C11orf54: variants seen among roughly 807,000 people sequenced by gnomAD.
C11orf54 encodes the protein beta-keto-L-gulonate decarboxylase, also known as beta-keto L-gulonate decarboxylase.
C11orf54 carries 29 observed loss-of-function variants against 35.5 expected under a neutral mutation model. That is an observed-to-expected ratio of 0.82 (90% CI 0.61 to 1.11). The LOEUF (loss-of-function observed/expected upper bound fraction) is 1.11, where lower values mean the gene tolerates loss of function less well. C11orf54 is among the 50% of genes most tolerant of loss of function. The pLI is 0.00. For synonymous variants in C11orf54, 108 were observed against 121.1 expected, an observed-to-expected ratio of 0.89 and a Z score of 0.71; for missense variants, 373 against 369.2, an observed-to-expected ratio of 1.01 and a Z score of -0.08.
chr11:93,758,627 G>C (rs1167597433), intron 7 of C11orf54, among the ~76,000 whole-genome samples: 1 of 152,256 alleles, frequency 6.6e-6, no homozygotes, highest in African/African-American at 2.4e-5. Context: ...TCGCAGCCCA[G>C]CCAGGTGTGC....
intron 7 of C11orf54, among the ~76,000 whole-genome samples, chr11:93,757,755 C>T (rs1943230686): frequency 6.6e-6 from 1 of 152,160 alleles, no homozygotes; most frequent in Admixed American, 6.5e-5. Context: ...TGTCGAACTC[C>T]TGACCTCAGC....
chr11:93,743,148 C>A (rs1464783301), intron 1 of C11orf54, among the ~76,000 whole-genome samples: 1 of 151,990 alleles, frequency 6.6e-6, no homozygotes, highest in Admixed American at 6.5e-5. Flanking sequence ...CTACACGCGC[C>A]CGCCACCACA....
intron 5 of C11orf54, among the ~76,000 whole-genome samples, chr11:93,754,463 T>C (rs1244660824): frequency 6.6e-6 from 1 of 152,208 alleles, no homozygotes; most frequent in Non-Finnish European, 1.5e-5. Context: ...AATAGTATGA[T>C]GGTTATTTAT....
In C11orf54 at chr11:93,753,767, T is replaced by C; in HGVS notation, c.228+12T>C. ...TAAACCAAAAAAAAGTAAGTACTTT[T>C]ACTCTGCATATTCACATGAAGATTG... is the stretch of plus-strand genomic sequence containing the variant. On this transcript the variant is annotated intron_variant, in intron 4 of 8. Coordinates refer to ENST00000354421, the MANE Select transcript of C11orf54 (RefSeq NM_001286069.2). The C allele has an allele frequency of 1.2e-6, 2 of 1,611,770 alleles. No individual in the cohort carries two copies. Among genetic ancestry groups the C allele is most frequent in the African/African-American group, 2.7e-5 (2 of 74,992 alleles).
intron 2 of C11orf54, among the ~76,000 whole-genome samples, chr11:93,748,190 A>G (rs1411787605): frequency 1.3e-5 from 2 of 151,828 alleles, no homozygotes; most frequent in South Asian, 2.1e-4. Flanking sequence ...CTTTCCTCTT[A>G]TAATCTTTTT....
chr11:93,750,740 G>C (rs1389728037), intron 3 of C11orf54, among the ~76,000 whole-genome samples: 1 of 152,190 alleles, frequency 6.6e-6, no homozygotes, highest in African/African-American at 2.4e-5. Flanking sequence ...TAATTGCTCA[G>C]ACTGTTATGG....
chr11:93,747,549 C>CTT, intron 2 of C11orf54, 101 bp downstream of exon 2: 1 of 551,968 alleles, frequency 1.8e-6, no homozygotes, highest in East Asian at 3.7e-5. Context: ...TTATGTATAT[C>CTT]TATATCTTAC....
chr11:93,759,066 G>A (rs631705), intron 7 of C11orf54, among the ~76,000 whole-genome samples: 84,347 of 152,132 alleles, frequency 0.55, 24,800 homozygotes, highest in Admixed American at 0.69. Flanking sequence ...TGGTGGGAGT[G>A]TAAATTAGTT....
intron 2 of C11orf54, among the ~76,000 whole-genome samples, chr11:93,748,028 A>C (rs530174043): frequency 1.3e-5 from 2 of 152,362 alleles, no homozygotes; most frequent in Admixed American, 1.3e-4. Flanking sequence ...AGTCTGTCAG[A>C]ATACTAACCT....
intron 3 of C11orf54, among the ~76,000 whole-genome samples, chr11:93,753,465 C>T (rs917068187): frequency 6.6e-5 from 10 of 152,160 alleles, no homozygotes; most frequent in Non-Finnish European, 4.4e-5. Context: ...TGCCTTTATG[C>T]CACCAACTTT....
intron 1 of C11orf54, among the ~76,000 whole-genome samples, chr11:93,743,280 C>G (rs1440221906): frequency 1.3e-5 from 2 of 151,654 alleles, no homozygotes; most frequent in African/African-American, 4.8e-5. Flanking sequence ...GGAGTACAGG[C>G]GTGAATCACC....
chr11:93,742,701 A>G (rs1297452632), intron 1 of C11orf54: 1 of 152,162 alleles, frequency 6.6e-6, no homozygotes, highest in African/African-American at 2.4e-5. Context: ...TGGTCTCTTT[A>G]CCTGCTTTGC....
chr11:93,760,497 A>C (rs1260509923), intron 8 of C11orf54, among the ~76,000 whole-genome samples: 3 of 133,020 alleles, frequency 2.3e-5, no homozygotes, highest in East Asian at 4.7e-4. Context: ...CCTGGGTAAC[A>C]GTATAATCCC....
At position 93,762,815 on chromosome 11, in the gene C11orf54, A is replaced by C. The variant is rs1018446487; in HGVS notation, c.*1127A>C. 1 of 152,224 alleles carries C rather than the reference A, an allele frequency of 6.6e-6. No individual in the cohort carries two copies. Among genetic ancestry groups the C allele is most frequent in the Non-Finnish European group, 1.5e-5 (1 of 68,036 alleles). The allele number at this position is 152,224 out of a possible 1,614,324, so 9.4% of individuals were successfully genotyped here. A position where few individuals can be genotyped will look rare whatever the true frequency, so the allele number is the denominator to read the frequency against. On this transcript the variant is annotated 3_prime_UTR_variant, in exon 9 of 9. Transcript: ENST00000354421. ...AGTGAAGCTGTTGCTGAACATGACCACTATCGTTGCTGAAATATAAAATTA... is the reference window on the plus strand; with the variant it reads ...AGTGAAGCTGTTGCTGAACATGACCCCTATCGTTGCTGAAATATAAAATTA...
chr11:93,764,332 C>A lies in C11orf54; in HGVS notation c.*2644C>A, dbSNP rs1339317505. ...CCTCTTCACACTACAGATACCAACACTGCCTTTACTCTTCCATTAGTGTCC... is the reference window on the plus strand; with the variant it reads ...CCTCTTCACACTACAGATACCAACAATGCCTTTACTCTTCCATTAGTGTCC... On this transcript the variant is annotated 3_prime_UTR_variant, in exon 9 of 9. Transcript: ENST00000354421. The A allele has an allele frequency of 6.6e-6, 1 of 152,278 alleles. No homozygotes were observed. Among genetic ancestry groups the A allele is most frequent in the Non-Finnish European group, 1.5e-5 (1 of 68,088 alleles). The allele number at this position is 152,278 out of a possible 1,614,324, so 9.4% of individuals were successfully genotyped here. A position where few individuals can be genotyped will look rare whatever the true frequency, so the allele number is the denominator to read the frequency against.
At chr11:93,753,404 T>C (rs751056365) in intron 3 of C11orf54, among the ~76,000 whole-genome samples, 54 of 152,238 alleles carry the variant, frequency 3.5e-4, no homozygotes, top group Non-Finnish European at 3.4e-4. Flanking sequence ...CTAGAAACCT[T>C]ACCCAATCCA....
intron 5 of C11orf54, 35 bp from the exon 6 acceptor site, chr11:93,755,175 A>T (rs1237246985): frequency 5.7e-6 from 9 of 1,588,294 alleles, no homozygotes; most frequent in Non-Finnish European, 7.8e-6. Context: ...TTGCAGAGAT[A>T]CAAAGATTGA....
At chr11:93,760,855 C>T (rs138300234) in intron 8 of C11orf54, among the ~76,000 whole-genome samples, 4 of 151,862 alleles carry the variant, frequency 2.6e-5, no homozygotes, top group African/African-American at 4.8e-5. Flanking sequence ...GACAGGGTTT[C>T]GCCATGTTGA....
At position 93,764,433 on chromosome 11, in the gene C11orf54, A is replaced by G. The variant is rs964505368; in HGVS notation, c.*2745A>G. 6.6e-6 allele frequency: 1 copy of G among 152,072 alleles called. No individual in the cohort carries two copies. Among genetic ancestry groups the G allele is most frequent in the Non-Finnish European group, 1.5e-5 (1 of 68,020 alleles). The allele number at this position is 152,072 out of a possible 1,614,324, so 9.4% of individuals were successfully genotyped here. A position where few individuals can be genotyped will look rare whatever the true frequency, so the allele number is the denominator to read the frequency against. On this transcript the variant is annotated 3_prime_UTR_variant, in exon 9 of 9. Transcript: ENST00000354421. The stretch of plus-strand genomic sequence containing the variant: ...TGGGAATATTAGAACATCTATTTAT[A>G]TATTTTATTTCGTCCTTTTAAGTTT...
Sources: allele counts gnomAD v4.1 joint callset (sites outside exome capture counted in the v4.1 genomes callset), GRCh38; gene constraint gnomAD v4.1.1; transcripts MANE v1.5; gene names NCBI Gene and HGNC (gene_info 2026-07-23, HGNC 2026-07-21).